Variants in CNBD1 observed in about 807,000 individuals in gnomAD.
CNBD1 encodes cyclic nucleotide-binding domain-containing protein 1.
CNBD1 carries 71 observed loss-of-function variants against 54.4 expected under a neutral mutation model. The observed-to-expected ratio is 1.30, with a 90% CI of 1.08 to 1.59. The LOEUF is 1.59. Ranked by LOEUF, CNBD1 falls within the 40% of genes most tolerant of loss-of-function variation. The pLI, the probability that CNBD1 is intolerant of heterozygous loss-of-function variation, is 0.00. For missense variants in CNBD1, 659 were observed against 518.0 expected, an observed-to-expected ratio of 1.27 and a Z score of -2.64; for synonymous variants, 182 against 170.7, an observed-to-expected ratio of 1.07 and a Z score of -0.51.
chr8:87,155,252 C>A (rs1812689609), intron 4 of CNBD1, among the ~76,000 whole-genome samples: 1 of 152,098 alleles, frequency 6.6e-6, no homozygotes, highest in Non-Finnish European at 1.5e-5. Context: ...TATGTGTTGA[C>A]CTTCATGAGA....
chr8:87,025,679 C>T (rs1290789624), intron 4 of CNBD1, among the ~76,000 whole-genome samples: 1 of 152,182 alleles, frequency 6.6e-6, no homozygotes, highest in Non-Finnish European at 1.5e-5. Context: ...GTGGGTGGAA[C>T]AGACAACTCC....
intron 4 of CNBD1, among the ~76,000 whole-genome samples, chr8:87,040,563 A>C (rs1248993415): frequency 6.6e-6 from 1 of 151,170 alleles, no homozygotes; most frequent in Non-Finnish European, 1.5e-5. Flanking sequence ...AGCTGGGACT[A>C]CAGGTGCCTG....
At chr8:87,114,765 T>C (rs1389757916) in intron 4 of CNBD1, among the ~76,000 whole-genome samples, 2 of 152,140 alleles carry the variant, frequency 1.3e-5, no homozygotes, top group East Asian at 3.9e-4. Flanking sequence ...TCTGAGGGCG[T>C]TTGCATTTAG....
intron 8 of CNBD1, among the ~76,000 whole-genome samples, chr8:87,295,758 C>G (rs1294043557): frequency 3.3e-5 from 5 of 152,048 alleles, no homozygotes; most frequent in Admixed American, 2.0e-4. Context: ...TTGGATTTCT[C>G]TTCACCTAAA....
intron 4 of CNBD1, among the ~76,000 whole-genome samples, chr8:86,961,227 C>T (rs892893679): frequency 4.6e-5 from 7 of 152,244 alleles, no homozygotes; most frequent in African/African-American, 7.2e-5. Flanking sequence ...ACAAGCTTAC[C>T]AGTTTTACTT....
chr8:87,361,170 C>T (rs1191642060), intron 10 of CNBD1, among the ~76,000 whole-genome samples: 1 of 151,926 alleles, frequency 6.6e-6, no homozygotes, highest in Non-Finnish European at 1.5e-5. Flanking sequence ...AGATAGGGCA[C>T]TTATTTTTAA....
At chr8:87,054,165 T>C (rs1168877465) in intron 4 of CNBD1, among the ~76,000 whole-genome samples, 1 of 152,136 alleles carries the variant, frequency 6.6e-6, no homozygotes, top group East Asian at 1.9e-4. Flanking sequence ...CTAATAAGTC[T>C]CCCCAGGGAA....
intron 4 of CNBD1, among the ~76,000 whole-genome samples, chr8:86,977,746 A>C (rs1808374837): frequency 6.6e-6 from 1 of 152,172 alleles, no homozygotes; most frequent in African/African-American, 2.4e-5. Context: ...ACAGGAATAA[A>C]AGGTCTGCTA....
At chr8:87,075,975 T>C (rs756605894) in intron 4 of CNBD1, among the ~76,000 whole-genome samples, 2 of 152,212 alleles carry the variant, frequency 1.3e-5, no homozygotes, top group Non-Finnish European at 2.9e-5. Flanking sequence ...ATCTAACTTC[T>C]GTTTTTCAAA....
At chr8:87,261,903 C>T (rs547940412) in intron 6 of CNBD1, among the ~76,000 whole-genome samples, 31 of 150,818 alleles carry the variant, frequency 2.1e-4, no homozygotes, top group Non-Finnish European at 3.2e-4. Flanking sequence ...CCCGGCACTT[C>T]GGGAGGCTGA....
chr8:87,211,308 A>G (rs1189651524), intron 5 of CNBD1, among the ~76,000 whole-genome samples: 1 of 152,154 alleles, frequency 6.6e-6, no homozygotes, highest in Non-Finnish European at 1.5e-5. Flanking sequence ...AAACTCAGAT[A>G]AGACCTTGGA....
At chr8:87,285,405 A>G (rs148862714) in intron 7 of CNBD1, among the ~76,000 whole-genome samples, 1 of 152,006 alleles carries the variant, frequency 6.6e-6, no homozygotes, top group Non-Finnish European at 1.5e-5. Context: ...CTTGACTCCT[A>G]TTTTTCCTCC....
At chr8:86,930,169 AC>A (rs1442098191) in intron 3 of CNBD1, among the ~76,000 whole-genome samples, 1 of 151,678 alleles carries the variant, frequency 6.6e-6, no homozygotes, top group South Asian at 2.1e-4. Flanking sequence ...ATCCCAAAGA[AC>A]CCCCGCAACT....
At chr8:87,139,219 A>G (rs1355020255) in intron 4 of CNBD1, among the ~76,000 whole-genome samples, 2 of 152,236 alleles carry the variant, frequency 1.3e-5, no homozygotes, top group African/African-American at 4.8e-5. Context: ...AGGTGATAGC[A>G]GAAATTCAAA....
At chr8:87,403,771 A>C (rs34075286) in intron 2 of CNBD1, among the ~76,000 whole-genome samples, 46,046 of 151,704 alleles carry the variant, frequency 0.3, 7,326 homozygotes, top group Middle Eastern at 0.41. Context: ...CTTGACCAAA[A>C]TTTCAAGATG....
chr8:87,033,846 T>C (rs1024235168), intron 4 of CNBD1, among the ~76,000 whole-genome samples: 2 of 152,180 alleles, frequency 1.3e-5, no homozygotes, highest in Admixed American at 1.3e-4. Context: ...CTTTCTAAAA[T>C]ATCAAACCAT....
intron 8 of CNBD1, among the ~76,000 whole-genome samples, chr8:87,338,708 A>C (rs920249727): frequency 6.8e-6 from 1 of 146,480 alleles, no homozygotes; most frequent in Non-Finnish European, 1.5e-5. Context: ...TTTTGCAGCT[A>C]TCTTGTTTGG....
At chr8:87,023,955 C>T (rs992448008) in intron 4 of CNBD1, among the ~76,000 whole-genome samples, 3 of 152,136 alleles carry the variant, frequency 2.0e-5, no homozygotes, top group African/African-American at 4.8e-5. Context: ...GAGACCTAGC[C>T]GGCCAGGCGT....
intron 2 of CNBD1, among the ~76,000 whole-genome samples, chr8:87,404,562 C>A (rs975226087): frequency 6.6e-6 from 1 of 152,054 alleles, no homozygotes; most frequent in Non-Finnish European, 1.5e-5. Flanking sequence ...ATACAACTCA[C>A]GCTGGTCAAA....
Sources: allele counts gnomAD v4.1 joint callset (sites outside exome capture counted in the v4.1 genomes callset), GRCh38; gene constraint gnomAD v4.1.1; transcripts MANE v1.5; gene names NCBI Gene and HGNC (gene_info 2026-07-23, HGNC 2026-07-21).